RASAL2: variants seen among roughly 807,000 people sequenced by gnomAD.
The protein encoded by RASAL2 is ras GTPase-activating protein nGAP.
Under a neutral mutation model 128.9 loss-of-function variants are expected in RASAL2, and 58 were observed. That is an observed-to-expected ratio of 0.45 (90% CI 0.36 to 0.56). The LOEUF (loss-of-function observed/expected upper bound fraction) is 0.56. RASAL2 is among the 20% of genes least tolerant of loss of function. The pLI is 0.00. For synonymous variants in RASAL2, 561 were observed against 580.8 expected (o/e 0.97, Z 0.49); for missense variants, 1,360 against 1,601.6 (o/e 0.85, Z 2.57).
chr1:178,170,911 C>A lies in RASAL2; in HGVS notation c.202+76217C>A, dbSNP rs1571579546. On this transcript the variant is annotated intron_variant, in intron 1 of 17. Coordinates refer to ENST00000367649, the MANE Select transcript of RASAL2 (RefSeq NM_170692.4). ...TTCATGATTTCATTTCTTCCTTTGT[C>A]ATTTCTCACTTATTTTTTATGAAGC... Among the ~76,000 whole-genome samples the A allele has an allele frequency of 2.6e-5, 4 of 151,710 alleles. No homozygotes were observed. The East Asian group carries it at 7.8e-4, about 29-fold the overall frequency.
chr1:178,447,959 T>A (rs1280141530), intron 9 of RASAL2, among the ~76,000 whole-genome samples: 1 of 152,096 alleles, frequency 6.6e-6, no homozygotes, highest in Non-Finnish European at 1.5e-5. Flanking sequence ...TACATATATA[T>A]TCAATTTGAA....
intron 3 of RASAL2, among the ~76,000 whole-genome samples, chr1:178,303,600 C>G (rs1192713943): frequency 6.6e-6 from 1 of 151,800 alleles, no homozygotes; most frequent in African/African-American, 2.4e-5. Context: ...TTAAACAATA[C>G]AAAAAACACA....
At chr1:178,421,282 T>C (rs762948598) in intron 5 of RASAL2, among the ~76,000 whole-genome samples, 17 of 152,116 alleles carry the variant, frequency 1.1e-4, no homozygotes, top group Admixed American at 6.6e-5. Flanking sequence ...TAATTAGGAC[T>C]ACTAGCTTGA....
intron 3 of RASAL2, among the ~76,000 whole-genome samples, chr1:178,359,782 A>G (rs185522981): frequency 6.6e-6 from 1 of 152,008 alleles, no homozygotes; most frequent in Admixed American, 6.6e-5. Context: ...TAAACCTTTG[A>G]TGTTACTGTT....
chr1:178,473,677 G>T lies in RASAL2; in HGVS notation c.*438G>T. On this transcript the variant is annotated 3_prime_UTR_variant, in exon 18 of 18. Coordinates refer to ENST00000367649, the MANE Select transcript of RASAL2 (RefSeq NM_170692.4). The stretch of plus-strand genomic sequence containing the variant: ...AAGCATCTATCTGATAGAAGCACAT[G>T]GAGTGCAATAGGACATTGTGAGAAG... 1 of 187,652 alleles carries T rather than the reference G, an allele frequency of 5.3e-6. No homozygotes were observed. The highest frequency in any genetic ancestry group is 1.1e-5 in the Non-Finnish European group (1 of 91,318). The allele number at this position is 187,652 out of a possible 1,614,324, so 11.6% of individuals were successfully genotyped here.
intron 3 of RASAL2, among the ~76,000 whole-genome samples, chr1:178,335,930 A>C (rs1357424491): frequency 6.6e-6 from 1 of 151,794 alleles, no homozygotes; most frequent in African/African-American, 2.4e-5. Context: ...GGAAAAAAAA[A>C]AACCCAAAAT....
At chr1:178,449,361 A>G (rs1033541853) in intron 9 of RASAL2, among the ~76,000 whole-genome samples, 4 of 152,252 alleles carry the variant, frequency 2.6e-5, no homozygotes, top group Admixed American at 2.6e-4. Flanking sequence ...CCCTGATGAA[A>G]AGACCTGATT....
chr1:178,299,764 G>A (rs1349014351), intron 2 of RASAL2, among the ~76,000 whole-genome samples: 1 of 152,006 alleles, frequency 6.6e-6, no homozygotes, highest in Non-Finnish European at 1.5e-5. Context: ...CAAAGTGCTG[G>A]GATTACAGGC....
intron 5 of RASAL2, among the ~76,000 whole-genome samples, chr1:178,428,286 G>A (rs924718308): frequency 3.3e-5 from 5 of 151,766 alleles, no homozygotes; most frequent in Middle Eastern, 3.2e-3. Flanking sequence ...CCTTCTATGG[G>A]GTAAATGCCC....
rs138147706 is a variant in RASAL2 at position 178,183,199 on chromosome 1, G to T, written c.202+88505G>T. Among the ~76,000 whole-genome samples the T allele has an allele frequency of 1.5e-3, 233 of 152,164 alleles. 1 individual carries two copies. The highest frequency in any genetic ancestry group is 5.4e-3 in the African/African-American group (223 of 41,506). On this transcript the variant is annotated intron_variant, in intron 1 of 17. Transcript: ENST00000367649. ...TTTTACAGACTTCACTAGTTTCCAGGGTTACTTAGGACAGCACCCTTTCCC... is the reference window on the plus strand; with the variant it reads ...TTTTACAGACTTCACTAGTTTCCAGTGTTACTTAGGACAGCACCCTTTCCC...
chr1:178,380,028 A>G (rs544453258), intron 3 of RASAL2, among the ~76,000 whole-genome samples: 39 of 152,288 alleles, frequency 2.6e-4, no homozygotes, highest in Non-Finnish European at 4.6e-4. Flanking sequence ...CGACAGGTGC[A>G]GTCGCACGCC....
intron 7 of RASAL2, among the ~76,000 whole-genome samples, chr1:178,442,170 A>G (rs951939062): frequency 6.6e-5 from 10 of 152,106 alleles, no homozygotes; most frequent in Non-Finnish European, 5.9e-5. Flanking sequence ...TTACAATTCA[A>G]CATAAAATTT....
rs551827828 is a variant in RASAL2 at position 178,478,730 on chromosome 1, A to C, written c.*5491A>C. On this transcript the variant is annotated 3_prime_UTR_variant, in exon 18 of 18. Transcript: ENST00000367649. ...TCATTACCTGGGTTTGTTCTAAAGA[A>C]GATTTATTTTTGTTCTGTGAATAAT... 1 of 152,340 alleles carries C rather than the reference A, an allele frequency of 6.6e-6. No homozygotes were observed. Among genetic ancestry groups the C allele is most frequent in the African/African-American group, 2.4e-5 (1 of 41,584 alleles). 9.4% of individuals were successfully genotyped at this position (152,340 alleles called of 1,614,324 possible). A position where few individuals can be genotyped will look rare whatever the true frequency, so the allele number is the denominator to read the frequency against.
At chr1:178,464,632 G>A (rs1435817539) in intron 15 of RASAL2, among the ~76,000 whole-genome samples, 1 of 150,362 alleles carries the variant, frequency 6.7e-6, no homozygotes, top group Non-Finnish European at 1.5e-5. Flanking sequence ...TCTTGCTAGG[G>A]GGTGGCAGTT....
At chr1:178,155,747 C>T (rs1424226114) in intron 1 of RASAL2, among the ~76,000 whole-genome samples, 1 of 151,830 alleles carries the variant, frequency 6.6e-6, no homozygotes, top group Non-Finnish European at 1.5e-5. Flanking sequence ...CCACAGATGA[C>T]TGTCAGCTGA....
chr1:178,325,301 A>T (rs760778543), intron 3 of RASAL2, among the ~76,000 whole-genome samples: 1 of 152,228 alleles, frequency 6.6e-6, no homozygotes, highest in Non-Finnish European at 1.5e-5. Flanking sequence ...AGTGAATTAG[A>T]AAGAGAACTA....
rs374496918 is a variant in RASAL2, at chr1:178,218,040, A to G, written c.203-65524A>G. Among the ~76,000 whole-genome samples, 22 of 152,104 alleles carry G rather than the reference A, an allele frequency of 1.4e-4. 2 individuals are homozygous for G. The highest frequency in any genetic ancestry group is 1.1e-3 in the Admixed American group (16 of 15,112). On this transcript the variant is annotated intron_variant, in intron 1 of 17. Coordinates refer to ENST00000367649, the MANE Select transcript of RASAL2 (RefSeq NM_170692.4). Reference sequence around the variant, plus strand: ...AAGAAGCCGCTTTCTTTGCTTATCCATAAGAAGCAACTCCTCACCCATTCA... The same window carrying G: ...AAGAAGCCGCTTTCTTTGCTTATCCGTAAGAAGCAACTCCTCACCCATTCA...
intron 1 of RASAL2, among the ~76,000 whole-genome samples, chr1:178,230,422 G>C (rs1663957189): frequency 6.6e-6 from 1 of 152,190 alleles, no homozygotes; most frequent in African/African-American, 2.4e-5. Flanking sequence ...CCAATCATGA[G>C]AGTTCTGGTT....
chr1:178,243,557 C>T (rs1338673323), intron 1 of RASAL2, among the ~76,000 whole-genome samples: 1 of 151,152 alleles, frequency 6.6e-6, no homozygotes, highest in Non-Finnish European at 1.5e-5. Context: ...GTTGGCCTCC[C>T]CATCATTACC....
Sources: allele counts gnomAD v4.1 joint callset (sites outside exome capture counted in the v4.1 genomes callset), GRCh38; gene constraint gnomAD v4.1.1; transcripts MANE v1.5; gene names NCBI Gene and HGNC (gene_info 2026-07-23, HGNC 2026-07-21).